The following VRK2 variants were observed in gnomAD, a reference collection of about 807,000 sequenced individuals.
VRK2 encodes serine/threonine-protein kinase VRK2.
Under a neutral mutation model 57.6 loss-of-function variants are expected in VRK2, and 60 were observed. That is an observed-to-expected ratio of 1.04 (90% CI 0.85 to 1.29). VRK2 has a LOEUF of 1.29. Among genes scored for constraint, VRK2 ranks in the 50% most tolerant of loss-of-function variants. The pLI, the probability that VRK2 is intolerant of heterozygous loss-of-function variation, is 0.00. For missense variants in VRK2, 705 were observed against 588.1 expected, an observed-to-expected ratio of 1.20 and a Z score of -2.06; for synonymous variants, 231 against 199.2, an observed-to-expected ratio of 1.16 and a Z score of -1.35.
At chr2:58,025,027 T>C (rs554065590) in intron 1 of VRK2, among the ~76,000 whole-genome samples, 90 of 152,330 alleles carry the variant, frequency 5.9e-4, no homozygotes, top group African/African-American at 2.0e-3. Context: ...GTGGGCAAAG[T>C]ACGCTTCATA....
chr2:57,948,601 GC>G (rs1476853377), intron 1 of VRK2, among the ~76,000 whole-genome samples: 3 of 151,930 alleles, frequency 2.0e-5, no homozygotes, highest in Non-Finnish European at 4.4e-5. Flanking sequence ...GGTTTTAAGT[GC>G]TGGTAAAAAA....
At chr2:58,077,368 G>A (rs1670263133) in intron 2 of VRK2, among the ~76,000 whole-genome samples, 1 of 151,900 alleles carries the variant, frequency 6.6e-6, no homozygotes, top group Non-Finnish European at 1.5e-5. Context: ...TGTTGTCTCA[G>A]GATATTTTTC....
chr2:57,991,093 T>C (rs1311116064), intron 1 of VRK2, among the ~76,000 whole-genome samples: 1 of 152,136 alleles, frequency 6.6e-6, no homozygotes, highest in Non-Finnish European at 1.5e-5. Flanking sequence ...ATCCTATCCT[T>C]TGCCTCTAAT....
At chr2:57,969,848 T>C (rs2717045) in intron 1 of VRK2, among the ~76,000 whole-genome samples, 1 of 152,044 alleles carries the variant, frequency 6.6e-6, no homozygotes, top group Non-Finnish European at 1.5e-5. Flanking sequence ...GGTAGCCCCA[T>C]TGTCCACCTT....
intron 1 of VRK2, among the ~76,000 whole-genome samples, chr2:57,975,734 T>C (rs1672230699): frequency 2.0e-5 from 3 of 151,930 alleles, no homozygotes. Context: ...AGTGAGAACA[T>C]GCCATATTTG....
chr2:58,053,047 A>C (rs989583027), intron 2 of VRK2, among the ~76,000 whole-genome samples: 10 of 152,200 alleles, frequency 6.6e-5, no homozygotes, highest in African/African-American at 2.4e-4. Flanking sequence ...TAGATGTTCA[A>C]CAGTTATTTG....
chr2:58,057,365 C>T (rs1018003594), intron 2 of VRK2, among the ~76,000 whole-genome samples: 1 of 151,996 alleles, frequency 6.6e-6, no homozygotes, highest in African/African-American at 2.4e-5. Context: ...ATTCTCTTTT[C>T]AAGTATATTT....
At chr2:58,146,227 A>T in intron 11 of VRK2, 89 bp from the exon 12 acceptor site, 1 of 1,154,812 alleles carries the variant, frequency 8.7e-7, no homozygotes, top group Non-Finnish European at 1.2e-6. Context: ...TGGCAAGTTT[A>T]GAGCTTTTAA....
intron 7 of VRK2, among the ~76,000 whole-genome samples, chr2:58,099,120 A>G (rs972144824): frequency 1.3e-5 from 2 of 152,000 alleles, no homozygotes; most frequent in African/African-American, 2.4e-5. Flanking sequence ...CAAAAATGAT[A>G]GTGGTGTTTC....
chr2:58,052,678 A>G (rs1014995094), intron 2 of VRK2, among the ~76,000 whole-genome samples: 33 of 151,874 alleles, frequency 2.2e-4, no homozygotes, highest in Admixed American at 1.2e-3. Context: ...TGGATTTTCT[A>G]TTTATTCTAC....
chr2:58,114,777 G>A (rs1211050858), intron 7 of VRK2, among the ~76,000 whole-genome samples: 2 of 152,138 alleles, frequency 1.3e-5, no homozygotes, highest in Non-Finnish European at 2.9e-5. Context: ...GAGGTGGGAA[G>A]GCTAAACTGA....
intron 7 of VRK2, among the ~76,000 whole-genome samples, chr2:58,094,956 C>A (rs1013062466): frequency 6.6e-6 from 1 of 152,110 alleles, no homozygotes; most frequent in East Asian, 1.9e-4. Context: ...GTTATCTTAG[C>A]TATTTATACT....
At chr2:58,158,340 A>C (rs936387544) in intron 12 of VRK2, among the ~76,000 whole-genome samples, 1 of 152,214 alleles carries the variant, frequency 6.6e-6, no homozygotes, top group Admixed American at 6.5e-5. Flanking sequence ...ATTTAACTCT[A>C]AAGTGAGTCA....
chr2:58,141,023 A>G (rs199639670), intron 11 of VRK2, among the ~76,000 whole-genome samples: 2 of 152,136 alleles, frequency 1.3e-5, no homozygotes, highest in East Asian at 1.9e-4. Flanking sequence ...TCACAAACCA[A>G]TTGTCAGCAC....
At chr2:58,014,372 G>A (rs941730206) in intron 1 of VRK2, among the ~76,000 whole-genome samples, 1 of 152,154 alleles carries the variant, frequency 6.6e-6, no homozygotes, top group African/African-American at 2.4e-5. Flanking sequence ...CTTATTATGA[G>A]AGCAGATTCA....
intron 1 of VRK2, among the ~76,000 whole-genome samples, chr2:57,976,606 T>C (rs1419032999): frequency 6.6e-6 from 1 of 151,954 alleles, no homozygotes; most frequent in Non-Finnish European, 1.5e-5. Flanking sequence ...TTTCTTATTG[T>C]TTCTGGATAT....
intron 2 of VRK2, among the ~76,000 whole-genome samples, chr2:58,057,617 G>A (rs1201712072): frequency 6.6e-6 from 1 of 152,122 alleles, no homozygotes; most frequent in Non-Finnish European, 1.5e-5. Context: ...ATTGACTTAT[G>A]TATGTATGCA....
intron 7 of VRK2, among the ~76,000 whole-genome samples, chr2:58,095,139 C>CA (rs1376399795): frequency 6.6e-6 from 1 of 151,918 alleles, no homozygotes; most frequent in Non-Finnish European, 1.5e-5. Flanking sequence ...ACTAAAAATA[C>CA]AAAAATTATC....
intron 1 of VRK2, among the ~76,000 whole-genome samples, chr2:57,944,236 T>C (rs1671186379): frequency 6.6e-6 from 1 of 152,142 alleles, no homozygotes; most frequent in Non-Finnish European, 1.5e-5. Context: ...GAACTCAAGG[T>C]TTCTCTTTCT....
Sources: allele counts gnomAD v4.1 joint callset (sites outside exome capture counted in the v4.1 genomes callset), GRCh38; gene constraint gnomAD v4.1.1; transcripts MANE v1.5; gene names NCBI Gene and HGNC (gene_info 2026-07-23, HGNC 2026-07-21).